The following B4GALNT2 variants were observed in gnomAD, a reference collection of about 807,000 sequenced individuals.
B4GALNT2 encodes the protein beta-1,4-N-acetyl-galactosaminyltransferase 2 (SID blood group).
B4GALNT2 carries 42 observed loss-of-function variants against 51.1 expected under a neutral mutation model. The ratio of observed to expected loss-of-function variants is 0.82; its 90% CI spans 0.64 to 1.06. The LOEUF (loss-of-function observed/expected upper bound fraction) is 1.06. B4GALNT2 is among the 50% of genes least tolerant of loss of function. The probability of loss-of-function intolerance (pLI) is 0.00; values close to 1 mark genes in which losing one functional copy is unlikely to be tolerated. For synonymous variants in B4GALNT2, 253 were observed against 251.7 expected, an observed-to-expected ratio of 1.01 and a Z score of -0.05; for missense variants, 602 against 633.6, an observed-to-expected ratio of 0.95 and a Z score of 0.54.
intron 1 of B4GALNT2, among the ~76,000 whole-genome samples, chr17:49,136,621 A>G (rs904362640): frequency 6.4e-4 from 98 of 152,036 alleles, no homozygotes; most frequent in Non-Finnish European, 1.0e-3. Context: ...ATCTCAGCCC[A>G]CTGCAACCTC....
rs775257202 is a variant in B4GALNT2, at chr17:49,174,955, G to C, written c.*5227G>C. The C allele has an allele frequency of 2.6e-5, 4 of 152,128 alleles. No individual in the cohort carries two copies. Among genetic ancestry groups the C allele is most frequent in the Non-Finnish European group, 5.9e-5 (4 of 68,014 alleles). The allele number at this position is 152,128 out of a possible 1,614,324, so 9.4% of individuals were successfully genotyped here. ...TACAATTGCTCTAGAATTAGAACTTGTGCTATCCATTGTTGTAACAAATCT... is the reference window on the plus strand; with the variant it reads ...TACAATTGCTCTAGAATTAGAACTTCTGCTATCCATTGTTGTAACAAATCT... On this transcript the variant is annotated 3_prime_UTR_variant, in exon 11 of 11. Coordinates refer to ENST00000393354, the MANE Select transcript of B4GALNT2 (RefSeq NM_001159387.2).
At chr17:49,145,994 C>T (rs1189033052) in intron 3 of B4GALNT2, among the ~76,000 whole-genome samples, 4 of 152,044 alleles carry the variant, frequency 2.6e-5, no homozygotes, top group Admixed American at 1.3e-4. Flanking sequence ...CATAATGTTG[C>T]GGGAACAGGA....
In B4GALNT2 at chr17:49,149,954, T is replaced by A. The variant is rs185971601; in HGVS notation, c.354-2846T>A. Among the ~76,000 whole-genome samples the A allele has an allele frequency of 4.3e-3, 661 of 152,298 alleles. 4 individuals are homozygous for A. Among genetic ancestry groups the A allele is most frequent in the African/African-American group, 0.01 (417 of 41,536 alleles). On this transcript the variant is annotated intron_variant, in intron 3 of 10. Coordinates refer to ENST00000393354, the MANE Select transcript of B4GALNT2 (RefSeq NM_001159387.2). ...TGAAAAAGGTATTCCATGTTTTTTT[T>A]AATTCACATTTCCCTGATTGAAGCT...
At chr17:49,138,464 T>C (rs1567854817) in intron 1 of B4GALNT2, among the ~76,000 whole-genome samples, 1 of 152,232 alleles carries the variant, frequency 6.6e-6, no homozygotes, top group Non-Finnish European at 1.5e-5. Context: ...TAGAAACCTT[T>C]GTAGGGTAGT....
chr17:49,132,691 A>G (rs932180627), upstream of B4GALNT2: 6 of 1,331,846 alleles, frequency 4.5e-6, no homozygotes, highest in Non-Finnish European at 2.9e-6. Context: ...CACCTGCCCT[A>G]CTCGCCGAGA....
Position 49,161,287 on chromosome 17 carries a change from A to AG in B4GALNT2, c.766+646_766+647insG, listed in dbSNP as rs373291958. The stretch of plus-strand genomic sequence containing the variant: ...AAGACTCTGTCTTGAAAAAAAAAAA[A>AG]AGAGAGAGACAGCTTGTCAAATTAA... On this transcript the variant is annotated intron_variant, in intron 7 of 10. Transcript: ENST00000393354. 2.1e-3 allele frequency among the ~76,000 whole-genome samples: 320 copies of AG among 150,424 alleles called. 5 individuals carry two copies. Among genetic ancestry groups the AG allele is most frequent in the African/African-American group, 7.4e-3 (301 of 40,942 alleles).
At chr17:49,166,774 C>G (rs555935512) in intron 9 of B4GALNT2, among the ~76,000 whole-genome samples, 1 of 151,918 alleles carries the variant, frequency 6.6e-6, no homozygotes, top group Non-Finnish European at 1.5e-5. Context: ...CAAGACCAGC[C>G]TGGGCAACAT....
chr17:49,154,002 A>G (rs1312205367), intron 4 of B4GALNT2, among the ~76,000 whole-genome samples: 1 of 151,142 alleles, frequency 6.6e-6, no homozygotes, highest in Non-Finnish European at 1.5e-5. Flanking sequence ...GCCACTCTGT[A>G]AAAAGTGCTT....
intron 1 of B4GALNT2, chr17:49,133,084 G>T: frequency 8.6e-6 from 13 of 1,512,298 alleles, no homozygotes; most frequent in Non-Finnish European, 1.1e-5. Context: ...TCTCGCGGCC[G>T]GGAATGTGTC....
upstream of B4GALNT2, among the ~76,000 whole-genome samples, chr17:49,131,699 T>C (rs2042540588): frequency 3.3e-5 from 5 of 151,998 alleles, no homozygotes; most frequent in South Asian, 1.0e-3. Context: ...TTAGTAGAGA[T>C]GGGGTTTCAC....
rs2042962787 is a variant in B4GALNT2 at position 49,172,410 on chromosome 17, T to G, written c.*2682T>G. 1 of 153,238 alleles carries G rather than the reference T, an allele frequency of 6.5e-6. No individual in the cohort carries two copies. The highest frequency in any genetic ancestry group is 2.4e-5 in the African/African-American group (1 of 41,490). 9.5% of individuals were successfully genotyped at this position (153,238 alleles called of 1,614,324 possible). ...TATTTCCCAACTTTTTGTTATTGTA[T>G]CTCTCCACCAAACCAGTTGTTCTGC... On this transcript the variant is annotated 3_prime_UTR_variant, in exon 11 of 11. Transcript: ENST00000393354.
the B4GALNT2 span, among the ~76,000 whole-genome samples, chr17:49,122,922 A>C: frequency 6.6e-6 from 1 of 152,222 alleles, no homozygotes; most frequent in East Asian, 1.9e-4. Context: ...ATTTCCATTA[A>C]AAGGTTTTAA....
the B4GALNT2 span, among the ~76,000 whole-genome samples, chr17:49,124,282 T>C: frequency 7.2e-5 from 11 of 152,216 alleles, no homozygotes; most frequent in Admixed American, 2.0e-4. Flanking sequence ...GTTTTTCCTC[T>C]ATTCTGATGT....
chr17:49,158,933 C>G (rs2042836270), intron 5 of B4GALNT2, 104 bp from the exon 6 acceptor site: 1 of 1,347,380 alleles, frequency 7.4e-7, no homozygotes, highest in East Asian at 2.3e-5. Flanking sequence ...TCCCCTCACC[C>G]TTATGTGCTC....
intron 3 of B4GALNT2, among the ~76,000 whole-genome samples, chr17:49,143,309 C>CA (rs1351318191): frequency 1.3e-5 from 2 of 151,620 alleles, no homozygotes; most frequent in Non-Finnish European, 2.9e-5. Flanking sequence ...AACAAAAAAA[C>CA]AAAAAACAAG....
chr17:49,169,654 T>C lies in B4GALNT2; in HGVS notation c.1447T>C (p.Ser483Pro), dbSNP rs1444920236. 2 of 1,610,928 alleles carry C rather than the reference T, an allele frequency of 1.2e-6. No homozygotes were observed. The highest frequency in any genetic ancestry group is 8.5e-7 in the Non-Finnish European group (1 of 1,178,034). Residue 483 changes from serine to proline, a missense_variant, in exon 11 of 11, where the codon TCC (serine) becomes CCC (proline). Physicochemically the swap from Ser to Pro is moderately conservative, Grantham distance 74. Coordinates refer to ENST00000393354, the MANE Select transcript of B4GALNT2 (RefSeq NM_001159387.2). ...ALEKTYNTYR[S>P]NTLTRVQFKL... ...AGAGAAGACCTACAATACATACCGG[T>C]CCAACACCCTCACCCGGGTCCAGTT...
intron 3 of B4GALNT2, among the ~76,000 whole-genome samples, chr17:49,147,141 CTAAT>C (rs1486235269): frequency 6.6e-6 from 1 of 152,098 alleles, no homozygotes; most frequent in East Asian, 1.9e-4. Context: ...TATAGGATGA[CTAAT>C]TAAGAGGATG....
intron 5 of B4GALNT2, among the ~76,000 whole-genome samples, chr17:49,158,547 A>G (rs1195265317): frequency 6.7e-6 from 1 of 149,452 alleles, no homozygotes; most frequent in Non-Finnish European, 1.5e-5. Context: ...CTGAGGCAGG[A>G]TAATTGCTTT....
At position 49,175,304 on chromosome 17, in the gene B4GALNT2, T is replaced by C. The variant is rs1003767074; in HGVS notation, c.*5576T>C. 2 of 152,230 alleles carry C rather than the reference T, an allele frequency of 1.3e-5. No individual in the cohort carries two copies. The highest frequency in any genetic ancestry group is 2.9e-5 in the Non-Finnish European group (2 of 68,044). The allele number at this position is 152,230 out of a possible 1,614,324, so 9.4% of individuals were successfully genotyped here. On this transcript the variant is annotated 3_prime_UTR_variant, in exon 11 of 11. Transcript: ENST00000393354. ...GTTTATTTGTGCTTCCAAATTCTCC[T>C]ATTCGTTTAATTTCACTTTTCCCCA...
Sources: gnomAD v4.1 joint callset for allele counts (sites outside exome capture counted in the v4.1 genomes callset) on GRCh38, gnomAD v4.1.1 for gene constraint, MANE v1.5 for transcripts, NCBI Gene and HGNC (gene_info 2026-07-23, HGNC 2026-07-21) for gene names.